Variants in OR4K1 observed in about 807,000 individuals in gnomAD.
The protein encoded by OR4K1 is olfactory receptor family 4 subfamily K member 1, also known as olfactory receptor 4K1.
A neutral mutation model predicts 14.4 loss-of-function variants in OR4K1; 16 were observed. The ratio of observed to expected loss-of-function variants is 1.11; its 90% CI spans 0.75 to 1.68. The LOEUF (loss-of-function observed/expected upper bound fraction) is 1.68. Among genes scored for constraint, OR4K1 ranks in the 40% most tolerant of loss-of-function variants. The pLI is 0.00. For synonymous variants in OR4K1, 181 were observed against 133.1 expected, an observed-to-expected ratio of 1.36 and a Z score of -2.48; for missense variants, 548 against 376.9, an observed-to-expected ratio of 1.45 and a Z score of -3.76.
the OR4K1 span, chr14:19,920,546 T>G: frequency 1.1e-5 from 16 of 1,516,414 alleles, no homozygotes; most frequent in Non-Finnish European, 1.3e-5. Context: ...ATTCAAATTC[T>G]GATTCCTTTC....
intron 1 of OR4K1, among the ~76,000 whole-genome samples, chr14:19,932,818 C>T (rs938648609): frequency 2.0e-5 from 3 of 151,984 alleles, no homozygotes; most frequent in Non-Finnish European, 4.4e-5. Context: ...CAAATGCATG[C>T]CATATGCTTA....
chr14:19,920,633 G>A, the OR4K1 span: 5 of 1,611,112 alleles, frequency 3.1e-6, no homozygotes, highest in Non-Finnish European at 4.2e-6. Context: ...CTTCAGTGGT[G>A]TCTGAATTTG....
chr14:19,933,718 G>A (rs544178062), intron 1 of OR4K1, among the ~76,000 whole-genome samples: 84 of 152,044 alleles, frequency 5.5e-4, no homozygotes, highest in African/African-American at 1.9e-3. Context: ...TCAGCCTCCC[G>A]AGTAGCTGGG....
Position 19,936,372 on chromosome 14 carries a change from G to A in OR4K1, c.706G>A (p.Ala236Thr), listed in dbSNP as rs771950286. The change falls in exon 2 of 2, where the codon GCT becomes ACT. Residue 236 changes from alanine to threonine, a missense_variant. By Grantham distance (58) the Ala-to-Thr change is moderately conservative (BLOSUM62 0). Coordinates refer to ENST00000641172, the MANE Select transcript of OR4K1 (RefSeq NM_001004063.3). ...RCRSSSGSSK[A>T]LSTLTAHITV... The stretch of plus-strand genomic sequence containing the variant: ...CAGGTCCTCCAGTGGGTCATCTAAG[G>A]CTCTTTCTACATTAACTGCCCACAT... 5 of 1,614,070 alleles carry A rather than the reference G, an allele frequency of 3.1e-6. No homozygotes were observed. In the South Asian group the frequency reaches 4.4e-5, roughly 14 times the overall value.
At position 19,936,332 on chromosome 14, in the gene OR4K1, G is replaced by A. The variant is rs761812659; in HGVS notation, c.666G>A (p.Leu222=). The part of the protein sequence containing the change: ...LALIISYTII[L]IGVRCRSSSG... ...TAATTATTTCCTACACCATCATTTT[G>A]ATCGGTGTCCGATGCAGGTCCTCCA... The change falls in exon 2 of 2, where the codon TTG becomes TTA. Residue 222 remains leucine, a synonymous_variant. Transcript: ENST00000641172. 6.2e-7 allele frequency: 1 copy of A among 1,614,192 alleles called. No individual in the cohort carries two copies. Among genetic ancestry groups the A allele is most frequent in the East Asian group, 2.2e-5 (1 of 44,886 alleles).
At chr14:19,920,971 G>A in the OR4K1 span, 2 of 1,614,132 alleles carry the variant, frequency 1.2e-6, no homozygotes, top group South Asian at 1.1e-5. Context: ...GCCTATGACA[G>A]GTATGTAGCC....
chr14:19,930,368 A>G (rs531717182), upstream of OR4K1, among the ~76,000 whole-genome samples: 5 of 152,328 alleles, frequency 3.3e-5, no homozygotes, highest in African/African-American at 1.2e-4. Context: ...GAAAACTTAT[A>G]TAAAATATAG....
chr14:19,923,226 T>G, the OR4K1 span, among the ~76,000 whole-genome samples: 1 of 152,250 alleles, frequency 6.6e-6, no homozygotes, highest in Non-Finnish European at 1.5e-5. Flanking sequence ...TCAGTGTATG[T>G]ATGGATTTGT....
In OR4K1 at chr14:19,936,607, C is replaced by T. The variant is rs745899505; in HGVS notation, c.*5C>T. The stretch of plus-strand genomic sequence containing the variant: ...GTGAACTCCTGGAAAAACTAGGGAT[C>T]ATTACGAAGGAGCATAATCCTGAAT... On this transcript the variant is annotated 3_prime_UTR_variant, in exon 2 of 2. Transcript: ENST00000641172. 8.8e-6 allele frequency: 14 copies of T among 1,590,134 alleles called. No individual in the cohort carries two copies. The highest frequency in any genetic ancestry group is 6.7e-5 in the East Asian group (3 of 44,770).
rs777153298 is a variant in OR4K1, at chr14:19,936,526, ACT to A, written c.865_866del (p.Leu289GlufsTer3). ...ACTCCCTTGTTGAACCCCATCATCT[ACT>A]CTCTGAGGAATGAAGATGTTAAAGC... On this transcript the variant is annotated frameshift_variant, in exon 2 of 2. Coordinates refer to ENST00000641172, the MANE Select transcript of OR4K1 (RefSeq NM_001004063.3). LOFTEE classifies it high-confidence loss of function. The A allele has an allele frequency of 6.2e-7, 1 of 1,612,950 alleles. No homozygotes were observed. Among genetic ancestry groups the A allele is most frequent in the African/African-American group, 1.3e-5 (1 of 74,790 alleles).
At position 19,935,616 on chromosome 14, in the gene OR4K1, A is replaced by G. The variant is rs1882286903; in HGVS notation, c.-19-32A>G. 5 of 1,431,270 alleles carry G rather than the reference A, an allele frequency of 3.5e-6. No homozygotes were observed. In the East Asian group the frequency reaches 6.8e-5, roughly 20 times the overall value. 88.7% of individuals were successfully genotyped at this position (1,431,270 alleles called of 1,614,324 possible). A position where few individuals can be genotyped will look rare whatever the true frequency, so the allele number is the denominator to read the frequency against. Reference sequence around the variant, plus strand: ...AACTAGAGGTATTGTAATGCCAATCATTGTGACATTTTTCTGATTTCTTTT... The same window carrying G: ...AACTAGAGGTATTGTAATGCCAATCGTTGTGACATTTTTCTGATTTCTTTT... On this transcript the variant is annotated intron_variant, in intron 1 of 1. Coordinates refer to ENST00000641172, the MANE Select transcript of OR4K1 (RefSeq NM_001004063.3).
chr14:19,936,531 C>G lies in OR4K1; in HGVS notation c.865C>G (p.Leu289Val), dbSNP rs2792147. 1.4e-5 allele frequency: 22 copies of G among 1,612,832 alleles called. No homozygotes were observed. Among genetic ancestry groups the G allele is most frequent in the Non-Finnish European group, 1.9e-5 (22 of 1,179,730 alleles). The change falls in exon 2 of 2, where the codon CTG (leucine) becomes GTG (valine). Residue 289 changes from leucine to valine, a missense_variant. Physicochemically the swap from Leu to Val is conservative, Grantham distance 32. Transcript: ENST00000641172. ...CTTGTTGAACCCCATCATCTACTCT[C>G]TGAGGAATGAAGATGTTAAAGCAGC... Reference protein sequence around the residue: ...TPLLNPIIYSLRNEDVKAAMW... With the variant: ...TPLLNPIIYSVRNEDVKAAMW...
At position 19,936,353 on chromosome 14, in the gene OR4K1, C is replaced by A. The variant is rs1373269873; in HGVS notation, c.687C>A (p.Ser229=). 1.2e-6 allele frequency: 2 copies of A among 1,614,142 alleles called. No individual in the cohort carries two copies. The highest frequency in any genetic ancestry group is 1.7e-6 in the Non-Finnish European group (2 of 1,180,060). ...TIILIGVRCR[S]SSGSSKALST... ...TTTTGATCGGTGTCCGATGCAGGTCCTCCAGTGGGTCATCTAAGGCTCTTT... is the reference window on the plus strand; with the variant it reads ...TTTTGATCGGTGTCCGATGCAGGTCATCCAGTGGGTCATCTAAGGCTCTTT... Residue 229 remains serine (S), a synonymous_variant, in exon 2 of 2, where the codon TCC becomes TCA. Transcript: ENST00000641172.
At chr14:19,930,256 T>C (rs575020955), upstream of OR4K1, among the ~76,000 whole-genome samples, 1 of 152,346 alleles carries the variant, frequency 6.6e-6, no homozygotes, top group East Asian at 1.9e-4. Context: ...GCACACAGGA[T>C]AGATAGGAAG....
the OR4K1 span, chr14:19,920,685 T>C: frequency 1.2e-6 from 2 of 1,614,086 alleles, no homozygotes; most frequent in Non-Finnish European, 1.7e-6. Flanking sequence ...CCAGCTTTTC[T>C]ATTTTTGTTT....
Position 19,935,808 on chromosome 14 carries a change from A to T in OR4K1, c.142A>T (p.Ile48Phe), listed in dbSNP as rs753163518. 1.9e-6 allele frequency: 3 copies of T among 1,614,138 alleles called. No individual in the cohort carries two copies. Among genetic ancestry groups the T allele is most frequent in the East Asian group, 4.5e-5 (2 of 44,886 alleles). Reference sequence around the variant, plus strand: ...GCTAGGCAATGTCTTAATTATTGTCATTATTTCTTTTGACTCCCATTTGAA... The same window carrying T: ...GCTAGGCAATGTCTTAATTATTGTCTTTATTTCTTTTGACTCCCATTTGAA... Reference protein sequence around the residue: ...SVLGNVLIIVIISFDSHLNSP... With the variant: ...SVLGNVLIIVFISFDSHLNSP... Residue 48 changes from isoleucine to phenylalanine, a missense_variant, in exon 2 of 2, where the codon ATT (isoleucine) becomes TTT (phenylalanine). Physicochemically the swap from Ile to Phe is conservative, Grantham distance 21 (BLOSUM62 0). Transcript: ENST00000641172.
rs753998296 is a variant in OR4K1 at position 19,935,654 on chromosome 14, G to T, written c.-13G>T. 1.3e-6 allele frequency: 2 copies of T among 1,563,422 alleles called. No homozygotes were observed. The highest frequency in any genetic ancestry group is 2.4e-5 in the South Asian group (2 of 82,648). On this transcript the variant is annotated 5_prime_UTR_variant, in exon 2 of 2. Transcript: ENST00000641172. The stretch of plus-strand genomic sequence containing the variant: ...TCTGATTTCTTTTTTTTAGGTAACT[G>T]AATATTGGATACATGGCTCACACAA...
chr14:19,932,065 T>C (rs989636537), intron 1 of OR4K1, among the ~76,000 whole-genome samples: 1 of 152,252 alleles, frequency 6.6e-6, no homozygotes, highest in African/African-American at 2.4e-5. Flanking sequence ...CTGTTCTACT[T>C]GCATTTAAAA....
chr14:19,929,478 A>T (rs1882139175), upstream of OR4K1, among the ~76,000 whole-genome samples: 1 of 149,676 alleles, frequency 6.7e-6, no homozygotes, highest in Non-Finnish European at 1.5e-5. Flanking sequence ...AGCTTTTCTT[A>T]TTTTTTTTGG....
Sources: gnomAD v4.1 joint callset for allele counts (sites outside exome capture counted in the v4.1 genomes callset) on GRCh38, gnomAD v4.1.1 for gene constraint, MANE v1.5 for transcripts, NCBI Gene and HGNC (gene_info 2026-07-23, HGNC 2026-07-21) for gene names.